Variants in TIAM2 observed in about 807,000 individuals in gnomAD.
TIAM2 encodes the protein rho guanine nucleotide exchange factor TIAM2.
A neutral mutation model predicts 152.9 loss-of-function variants in TIAM2; 80 were observed. That is an observed-to-expected ratio of 0.52 (90% CI 0.44 to 0.63). The LOEUF is 0.63. Among genes scored for constraint, TIAM2 ranks in the 30% least tolerant of loss-of-function variants. The probability of loss-of-function intolerance (pLI) is 0.00; values close to 1 mark genes in which losing one functional copy is unlikely to be tolerated. For synonymous variants in TIAM2, 804 were observed against 838.0 expected, an observed-to-expected ratio of 0.96 and a Z score of 0.70; for missense variants, 1,965 against 2,120.1, an observed-to-expected ratio of 0.93 and a Z score of 1.44.
At chr6:155,216,825 G>A in intron 15 of TIAM2, 1 of 1,012,472 alleles carries the variant, frequency 9.9e-7, no homozygotes, top group African/African-American at 1.7e-5. Context: ...CCTTTCTAGA[G>A]CAGGCAGGCT....
At chr6:155,234,546 G>T (rs1182515759) in intron 15 of TIAM2, among the ~76,000 whole-genome samples, 1 of 152,216 alleles carries the variant, frequency 6.6e-6, no homozygotes, top group East Asian at 1.9e-4. Flanking sequence ...GGGACCATAG[G>T]CGTGTGCCAC....
intron 9 of TIAM2, among the ~76,000 whole-genome samples, chr6:155,165,799 T>C (rs1251292573): frequency 6.6e-6 from 1 of 151,670 alleles, no homozygotes; most frequent in African/African-American, 2.4e-5. Context: ...AAAATAAAAA[T>C]GAAAATAAAA....
In TIAM2 at chr6:155,254,102, T is replaced by C. The variant is rs368384850; in HGVS notation, c.4313+42T>C. On this transcript the variant is annotated intron_variant, in intron 25 of 26. Coordinates refer to ENST00000682666, the MANE Select transcript of TIAM2 (RefSeq NM_012454.4). ...AAGATTAAAACCAACAGAAATAACA[T>C]AGAATTATGTCTCTTAAGGGAATTT... 76 of 1,575,110 alleles carry C rather than the reference T, an allele frequency of 4.8e-5. 1 individual carries two copies. The South Asian group carries it at 5.6e-4, about 12-fold the overall frequency.
At chr6:155,160,385 A>G (rs1583221178) in intron 7 of TIAM2, among the ~76,000 whole-genome samples, 1 of 152,146 alleles carries the variant, frequency 6.6e-6, no homozygotes, top group African/African-American at 2.4e-5. Context: ...GCCCACCCAC[A>G]TTAGGGAAGG....
chr6:155,250,012 G>A (rs1398772851), intron 21 of TIAM2, 43 bp downstream of exon 21: 3 of 1,501,530 alleles, frequency 2.0e-6, no homozygotes, highest in South Asian at 2.4e-5. Context: ...TGCATGTGGT[G>A]TGGGGTCTGT....
Position 155,186,575 on chromosome 6 carries a change from G to GC in TIAM2, c.3064+3079dup, listed in dbSNP as rs199545692. Among the ~76,000 whole-genome samples, 7 of 152,140 alleles carry GC rather than the reference G, an allele frequency of 4.6e-5. No individual in the cohort carries two copies. In the East Asian group the frequency reaches 1.3e-3, roughly 29 times the overall value. ...ATCCAGAGGATAATGTTTCTCCCCT[G>GC]CCCCTGTGGTCCCTGTGAGTTTGGG... On this transcript the variant is annotated intron_variant, in intron 14 of 26. Coordinates refer to ENST00000682666, the MANE Select transcript of TIAM2 (RefSeq NM_012454.4). The surrounding 1 kb of genome is among the most constrained non-coding windows in gnomAD (Gnocchi z 4.5).
intron 2 of TIAM2, among the ~76,000 whole-genome samples, chr6:155,094,738 GTTTT>G (rs1778381632): frequency 3.5e-5 from 5 of 141,990 alleles, no homozygotes; most frequent in African/African-American, 7.9e-5. Flanking sequence ...TTTTTTTTTT[GTTTT>G]TTTGTTTTTT....
intron 1 of TIAM2, among the ~76,000 whole-genome samples, chr6:155,072,664 A>G (rs1363862328): frequency 1.3e-5 from 2 of 152,188 alleles, no homozygotes; most frequent in Non-Finnish European, 2.9e-5. Flanking sequence ...TCTGGAACTC[A>G]GAAGAAATAG....
chr6:155,074,325 T>G (rs1411869680), intron 1 of TIAM2, among the ~76,000 whole-genome samples: 1 of 152,190 alleles, frequency 6.6e-6, no homozygotes, highest in East Asian at 1.9e-4. Context: ...ATTTAATTAA[T>G]TTAAAGTAAT....
In TIAM2 at chr6:155,028,754, A is replaced by AAT. The variant is rs1491540592; in HGVS notation, c.-209+33270_-209+33271dup. ...ATATACTGTGTTATATACTACATAT[A>AAT]ATATATATACTGTGTTATATACTAC... On this transcript the variant is annotated intron_variant, in intron 1 of 26. Coordinates refer to ENST00000682666, the MANE Select transcript of TIAM2 (RefSeq NM_012454.4). Among the ~76,000 whole-genome samples the AAT allele has an allele frequency of 2.4e-5, 3 of 123,874 alleles. 1 individual carries two copies. The highest frequency in any genetic ancestry group is 1.1e-4 in the African/African-American group (3 of 27,616). 81.3% of individuals were successfully genotyped at this position (123,874 alleles called of 152,430 possible). A position where few individuals can be genotyped will look rare whatever the true frequency, so the allele number is the denominator to read the frequency against.
At chr6:155,161,007 A>C (rs1780254626) in intron 7 of TIAM2, among the ~76,000 whole-genome samples, 1 of 152,188 alleles carries the variant, frequency 6.6e-6, no homozygotes, top group South Asian at 2.1e-4. Flanking sequence ...CCTTTGGGCT[A>C]TTGGGGTGTC....
intron 1 of TIAM2, chr6:155,005,039 G>T: frequency 3.8e-6 from 2 of 520,834 alleles, no homozygotes; most frequent in Non-Finnish European, 3.0e-6. Flanking sequence ...AGTAACCCAT[G>T]ATGAGCCAGT....
chr6:155,017,160 G>A (rs897975737), intron 1 of TIAM2, among the ~76,000 whole-genome samples: 1 of 152,146 alleles, frequency 6.6e-6, no homozygotes, highest in Non-Finnish European at 1.5e-5. Context: ...GCAGTCTCCC[G>A]AGGAGTCTGG....
intron 1 of TIAM2, among the ~76,000 whole-genome samples, chr6:155,010,174 G>A (rs931245568): frequency 2.6e-5 from 4 of 152,168 alleles, no homozygotes; most frequent in African/African-American, 9.7e-5. Flanking sequence ...CTGTTAGAGA[G>A]TGGAAAGAAT....
At chr6:155,055,289 C>G (rs559919980) in intron 1 of TIAM2, among the ~76,000 whole-genome samples, 13 of 152,318 alleles carry the variant, frequency 8.5e-5, no homozygotes, top group Admixed American at 6.5e-4. Flanking sequence ...CCAGCGTCCT[C>G]TCACATCTCA....
intron 5 of TIAM2, among the ~76,000 whole-genome samples, chr6:155,140,397 C>G (rs1339603703): frequency 3.3e-5 from 5 of 152,106 alleles, no homozygotes; most frequent in Non-Finnish European, 4.4e-5. Context: ...GCACGTTACC[C>G]CATCATTTGT....
chr6:155,191,087 G>A (rs568965950), intron 14 of TIAM2, among the ~76,000 whole-genome samples: 53 of 152,272 alleles, frequency 3.5e-4, no homozygotes, highest in African/African-American at 1.2e-3. Flanking sequence ...TTTCAGATTG[G>A]TAATACATGC....
intron 1 of TIAM2, among the ~76,000 whole-genome samples, chr6:155,084,913 T>C (rs963142118): frequency 6.6e-6 from 1 of 152,178 alleles, no homozygotes; most frequent in East Asian, 1.9e-4. Context: ...CATACCACAT[T>C]ATGATGTAGT....
intron 7 of TIAM2, among the ~76,000 whole-genome samples, chr6:155,155,951 G>A (rs576204432): frequency 1.3e-5 from 2 of 152,208 alleles, no homozygotes; most frequent in Non-Finnish European, 2.9e-5. Context: ...AGTGACAGTG[G>A]CACCTGCTAG....
Sources: gnomAD v4.1 joint callset for allele counts (sites outside exome capture counted in the v4.1 genomes callset) on GRCh38, gnomAD v4.1.1 for gene constraint, Gnocchi (gnomAD v3.1) non-coding constraint, MANE v1.5 for transcripts, NCBI Gene and HGNC (gene_info 2026-07-23, HGNC 2026-07-21) for gene names.